EEA1: variants seen among roughly 807,000 people sequenced by gnomAD.
The protein encoded by EEA1 is early endosome antigen 1.
A neutral mutation model predicts 209.2 loss-of-function variants in EEA1; 111 were observed. The ratio of observed to expected loss-of-function variants is 0.53; its 90% CI spans 0.45 to 0.62. EEA1 has a LOEUF of 0.62. Among genes scored for constraint, EEA1 ranks in the 20% least tolerant of loss-of-function variants. The probability of loss-of-function intolerance (pLI) is 0.00; values close to 1 mark genes in which losing one functional copy is unlikely to be tolerated. For missense variants in EEA1, 1,343 were observed against 1,530.8 expected, an observed-to-expected ratio of 0.88 and a Z score of 2.05; for synonymous variants, 536 against 540.6, an observed-to-expected ratio of 0.99 and a Z score of 0.12.
At chr12:92,800,591 G>A (rs547438464) in intron 20 of EEA1, among the ~76,000 whole-genome samples, 1 of 152,232 alleles carries the variant, frequency 6.6e-6, no homozygotes, top group East Asian at 1.9e-4. Context: ...ATGACAATAA[G>A]GATGATATAT....
Position 92,802,563 on chromosome 12 carries a change from T to C in EEA1, c.2511A>G (p.Thr837=), listed in dbSNP as rs751588178. The C allele has an allele frequency of 1.2e-6, 2 of 1,602,510 alleles. No homozygotes were observed. Among genetic ancestry groups the C allele is most frequent in the South Asian group, 1.1e-5 (1 of 88,190 alleles). ...HEELNNRIQT[T]VTELQKVKME... is the part of the protein sequence containing the mutation. ...TTTTCACTTTTTGTAGTTCTGTTAC[T>C]GTTGTTTGAATTCTGTTATTCAATT... Residue 837 remains threonine, a synonymous_variant, in exon 19 of 29, where the codon ACA becomes ACG. Transcript: ENST00000322349.
intron 12 of EEA1, among the ~76,000 whole-genome samples, chr12:92,826,922 A>C (rs1198841190): frequency 6.6e-6 from 1 of 152,172 alleles, no homozygotes; most frequent in African/African-American, 2.4e-5. Context: ...TTTAAACCAC[A>C]TATCAGTATT....
rs371295766 is a variant in EEA1 at position 92,844,179 on chromosome 12, A to T, written c.799-1598T>A. 9.8e-5 allele frequency among the ~76,000 whole-genome samples: 15 copies of T among 152,306 alleles called. No individual in the cohort carries two copies. The East Asian group carries it at 2.3e-3, about 23-fold the overall frequency. On this transcript the variant is annotated intron_variant, in intron 9 of 28. Coordinates refer to ENST00000322349, the MANE Select transcript of EEA1 (RefSeq NM_003566.4). Reference sequence around the variant, plus strand: ...TAAAAATCAGAAGGTAAGCGATTGGACTGAATGATCAAATTCTTGGGCTTA... The same window carrying T: ...TAAAAATCAGAAGGTAAGCGATTGGTCTGAATGATCAAATTCTTGGGCTTA...
chr12:92,793,930 G>C (rs1347393022), intron 21 of EEA1, among the ~76,000 whole-genome samples: 2 of 152,168 alleles, frequency 1.3e-5, no homozygotes, highest in Non-Finnish European at 2.9e-5. Context: ...ACTACCATCA[G>C]AGCGAACAGG....
chr12:92,839,727 C>T (rs554650624), intron 10 of EEA1, among the ~76,000 whole-genome samples: 3 of 152,124 alleles, frequency 2.0e-5, no homozygotes, highest in South Asian at 4.2e-4. Context: ...TTTTAAATTT[C>T]GATATGACAA....
intron 2 of EEA1, among the ~76,000 whole-genome samples, chr12:92,867,674 T>A (rs577701306): frequency 6.6e-6 from 1 of 152,332 alleles, no homozygotes; most frequent in African/African-American, 2.4e-5. Context: ...TTGGGGATAC[T>A]GATATGTAGA....
At chr12:92,860,566 T>A (rs1565839441) in intron 3 of EEA1, among the ~76,000 whole-genome samples, 1 of 152,192 alleles carries the variant, frequency 6.6e-6, no homozygotes. Context: ...ATACCATGAT[T>A]ACCATGATTC....
At chr12:92,811,954 T>C (rs1310702597) in intron 16 of EEA1, among the ~76,000 whole-genome samples, 1 of 152,192 alleles carries the variant, frequency 6.6e-6, no homozygotes, top group East Asian at 1.9e-4. Flanking sequence ...TCCATTCAAA[T>C]GGGCTTTTCA....
chr12:92,915,258 G>A (rs1296486843), intron 1 of EEA1, among the ~76,000 whole-genome samples: 1 of 152,090 alleles, frequency 6.6e-6, no homozygotes, highest in African/African-American at 2.4e-5. Context: ...CTTGAGCCAA[G>A]GAGTTCAAGA....
At chr12:92,840,936 A>G (rs191252959) in intron 10 of EEA1, among the ~76,000 whole-genome samples, 3 of 152,288 alleles carry the variant, frequency 2.0e-5, no homozygotes, top group East Asian at 1.9e-4. Context: ...AGTTCTCATG[A>G]ATGGAATTAC....
chr12:92,830,671 CT>C (rs1876586948), intron 11 of EEA1, among the ~76,000 whole-genome samples: 1 of 152,146 alleles, frequency 6.6e-6, no homozygotes, highest in East Asian at 1.9e-4. Flanking sequence ...CTTCCATATT[CT>C]TGCAGTGAAG....
chr12:92,929,258 A>AGAGC lies in EEA1; in HGVS notation c.-196_-193dup, dbSNP rs1209173399. 1.3e-5 allele frequency: 5 copies of AGAGC among 390,304 alleles called. No homozygotes were observed. Among genetic ancestry groups the AGAGC allele is most frequent in the Admixed American group, 4.8e-5 (1 of 20,730 alleles). 24.2% of individuals were successfully genotyped at this position (390,304 alleles called of 1,614,324 possible). On this transcript the variant is annotated 5_prime_UTR_variant, in exon 1 of 29. Coordinates refer to ENST00000322349, the MANE Select transcript of EEA1 (RefSeq NM_003566.4). ...GGCGGCGAGAGGGAGCACGCGAGAG[A>AGAGC]GAGCGAGCGAACGACTAGGCAGCCT...
At chr12:92,876,755 G>A (rs375349658) in intron 2 of EEA1, among the ~76,000 whole-genome samples, 5 of 148,338 alleles carry the variant, frequency 3.4e-5, no homozygotes, top group East Asian at 2.0e-4. Flanking sequence ...CAGAGAATTC[G>A]ATATGCCCGG....
intron 3 of EEA1, among the ~76,000 whole-genome samples, chr12:92,859,538 A>T (rs1349173674): frequency 1.3e-5 from 2 of 152,162 alleles, no homozygotes. Flanking sequence ...CACTGTAGTA[A>T]ATAATCTTCG....
At chr12:92,866,315 T>C (rs1565841807) in intron 2 of EEA1, among the ~76,000 whole-genome samples, 2 of 151,738 alleles carry the variant, frequency 1.3e-5, no homozygotes, top group Non-Finnish European at 1.5e-5. Context: ...TAATTAAAGG[T>C]AGCAAGAAAT....
At chr12:92,814,175 T>C (rs777484843) in intron 15 of EEA1, among the ~76,000 whole-genome samples, 1 of 152,156 alleles carries the variant, frequency 6.6e-6, no homozygotes, top group Non-Finnish European at 1.5e-5. Context: ...ATTTACATTG[T>C]ATGGATAATT....
intron 23 of EEA1, among the ~76,000 whole-genome samples, chr12:92,781,645 T>C (rs1044107743): frequency 1.3e-5 from 2 of 152,208 alleles, no homozygotes; most frequent in African/African-American, 4.8e-5. Context: ...ATACGTTATA[T>C]GAGAAATAGT....
chr12:92,879,356 T>C (rs1487222576), intron 2 of EEA1: 1 of 452,480 alleles, frequency 2.2e-6, no homozygotes, highest in Non-Finnish European at 4.4e-6. Context: ...AGATTAGGGA[T>C]GCTCCACCTG....
chr12:92,890,753 C>A (rs1353497688), intron 2 of EEA1, among the ~76,000 whole-genome samples: 1 of 152,166 alleles, frequency 6.6e-6, no homozygotes, highest in Non-Finnish European at 1.5e-5. Flanking sequence ...TCTCGCAAAT[C>A]TGTAAAATCT....
Sources: gnomAD v4.1 joint callset for allele counts (sites outside exome capture counted in the v4.1 genomes callset) on GRCh38, gnomAD v4.1.1 for gene constraint, MANE v1.5 for transcripts, NCBI Gene and HGNC (gene_info 2026-07-23, HGNC 2026-07-21) for gene names.